CACNA2D1: variants seen among roughly 807,000 people sequenced by gnomAD.
CACNA2D1 encodes the protein calcium voltage-gated channel auxiliary subunit alpha2delta 1.
In CACNA2D1, 53 loss-of-function variants were observed where a neutral mutation model predicts 171.5. The observed-to-expected ratio is 0.31, with a 90% CI of 0.25 to 0.39. The LOEUF is 0.39. CACNA2D1 is among the 10% of genes least tolerant of loss of function. The pLI is 1.00. For missense variants in CACNA2D1, 903 were observed against 1,299.8 expected, an observed-to-expected ratio of 0.69 and a Z score of 4.69; for synonymous variants, 442 against 443.1, an observed-to-expected ratio of 1.00 and a Z score of 0.03.
chr7:82,305,680 C>A (rs1813635563), intron 3 of CACNA2D1, among the ~76,000 whole-genome samples: 1 of 152,176 alleles, frequency 6.6e-6, no homozygotes, highest in African/African-American at 2.4e-5. Context: ...CTTGAGTTTT[C>A]ATATTTTCTA....
chr7:82,317,618 CCTCCAA>C (rs1423232385), intron 3 of CACNA2D1, among the ~76,000 whole-genome samples: 1 of 152,034 alleles, frequency 6.6e-6, no homozygotes, highest in African/African-American at 2.4e-5. Context: ...GCTGATTTAG[CCTCCAA>C]CAGTGACAGG....
intron 3 of CACNA2D1, among the ~76,000 whole-genome samples, chr7:82,283,880 A>C (rs1810432890): frequency 6.6e-6 from 1 of 152,180 alleles, no homozygotes; most frequent in Admixed American, 6.5e-5. Flanking sequence ...AAAGAAAAAT[A>C]AAAAGATGCC....
Position 82,273,863 on chromosome 7 carries a change from A to C in CACNA2D1, c.294+61272T>G, listed in dbSNP as rs565647845. ...AAGCTTCTCGATGTTAATAATATTT[A>C]TACCTGGGTGTAGAATTAAGAATAT... On this transcript the variant is annotated intron_variant, in intron 3 of 38. Transcript: ENST00000356860. Among the ~76,000 whole-genome samples, 7 of 152,300 alleles carry C rather than the reference A, an allele frequency of 4.6e-5. No homozygotes were observed. In the East Asian group the frequency reaches 1.4e-3, roughly 29 times the overall value.
At chr7:82,295,505 C>T (rs766914989) in intron 3 of CACNA2D1, among the ~76,000 whole-genome samples, 1 of 151,542 alleles carries the variant, frequency 6.6e-6, no homozygotes, top group East Asian at 2.0e-4. Context: ...CACTATACCT[C>T]GCTAATTTCT....
chr7:82,060,607 C>A, intron 9 of CACNA2D1, 80 bp from the exon 10 acceptor site: 1 of 827,162 alleles, frequency 1.2e-6, no homozygotes, highest in Non-Finnish European at 2.1e-6. Context: ...ATAATGTATG[C>A]ACTGACCCTA....
intron 4 of CACNA2D1, among the ~76,000 whole-genome samples, chr7:82,155,620 A>AT (rs1473472523): frequency 1.3e-5 from 2 of 152,148 alleles, no homozygotes; most frequent in East Asian, 3.9e-4. Context: ...CCCAGGTGGT[A>AT]TTTTTTGCTA....
intron 3 of CACNA2D1, among the ~76,000 whole-genome samples, chr7:82,286,298 G>A (rs888652844): frequency 6.6e-6 from 1 of 151,892 alleles, no homozygotes; most frequent in Admixed American, 6.6e-5. Flanking sequence ...TGTCCCTGTT[G>A]GTGCTTGTCC....
chr7:82,008,401 CAAATATA>C (rs1027544732), intron 15 of CACNA2D1, among the ~76,000 whole-genome samples: 4 of 152,042 alleles, frequency 2.6e-5, no homozygotes, highest in African/African-American at 7.2e-5. Flanking sequence ...CTGCAAGCAT[CAAATATA>C]AAAGTCTAGT....
At chr7:82,136,911 T>C (rs1454659848) in intron 4 of CACNA2D1, among the ~76,000 whole-genome samples, 1 of 152,100 alleles carries the variant, frequency 6.6e-6, no homozygotes, top group Non-Finnish European at 1.5e-5. Context: ...TGAGACCCAT[T>C]TGTCAAGAAA....
chr7:82,147,708 A>T (rs1793306252), intron 4 of CACNA2D1, among the ~76,000 whole-genome samples: 1 of 152,154 alleles, frequency 6.6e-6, no homozygotes, highest in Non-Finnish European at 1.5e-5. Context: ...TCTCCAGATT[A>T]ATCATTATCA....
At chr7:82,023,454 AACTC>A (rs1179135850) in intron 12 of CACNA2D1, among the ~76,000 whole-genome samples, 1 of 151,834 alleles carries the variant, frequency 6.6e-6, no homozygotes, top group Admixed American at 6.6e-5. Context: ...CTCCAATTGT[AACTC>A]ATCAGGCCTA....
At chr7:82,372,119 TAGAAAA>T (rs1196125642) in intron 1 of CACNA2D1, among the ~76,000 whole-genome samples, 2 of 152,282 alleles carry the variant, frequency 1.3e-5, no homozygotes, top group Admixed American at 1.3e-4. Flanking sequence ...ATTCTGTTAT[TAGAAAA>T]AGAAAATGAA....
chr7:82,170,540 G>A lies in CACNA2D1; in HGVS notation c.354+10C>T, dbSNP rs1270996542. The A allele has an allele frequency of 6.2e-7, 1 of 1,604,574 alleles. No individual in the cohort carries two copies. The highest frequency in any genetic ancestry group is 1.1e-5 in the South Asian group (1 of 90,886). ...GCTATTTAAATCAAGTAGTTAAAAG[G>A]GGTTCTTACTGCAAAATCTTCTCTC... On this transcript the variant is annotated intron_variant, in intron 4 of 38. Transcript: ENST00000356860.
chr7:82,433,338 CT>C (rs1269923146), intron 1 of CACNA2D1, among the ~76,000 whole-genome samples: 1 of 152,140 alleles, frequency 6.6e-6, no homozygotes, highest in Non-Finnish European at 1.5e-5. Context: ...AAACTGGAGT[CT>C]TGTTACTACC....
At chr7:82,084,022 T>C (rs1226724809) in intron 7 of CACNA2D1, among the ~76,000 whole-genome samples, 1 of 152,152 alleles carries the variant, frequency 6.6e-6, no homozygotes, top group African/African-American at 2.4e-5. Context: ...AGAAAACGCA[T>C]TTTATGTTTT....
chr7:82,143,865 C>G (rs913335826), intron 4 of CACNA2D1, among the ~76,000 whole-genome samples: 6 of 152,118 alleles, frequency 3.9e-5, no homozygotes, highest in Non-Finnish European at 8.8e-5. Context: ...TCAGGAGTTT[C>G]TATGTTTTAA....
intron 10 of CACNA2D1, chr7:82,050,593 A>C: frequency 2.8e-6 from 2 of 702,784 alleles, no homozygotes; most frequent in Non-Finnish European, 5.2e-6. Context: ...CTGCATTGAA[A>C]ATCTCTTCGG....
At chr7:82,394,826 A>C (rs949193223) in intron 1 of CACNA2D1, among the ~76,000 whole-genome samples, 1 of 152,184 alleles carries the variant, frequency 6.6e-6, no homozygotes, top group Admixed American at 6.5e-5. Context: ...ATTAGTGAGA[A>C]TGTACATAAA....
At chr7:82,212,670 C>A (rs1366600175) in intron 3 of CACNA2D1, among the ~76,000 whole-genome samples, 3 of 152,146 alleles carry the variant, frequency 2.0e-5, no homozygotes, top group Admixed American at 6.5e-5. Flanking sequence ...TGGCTGAAGC[C>A]ATTTGCCCTT....
Sources: allele counts gnomAD v4.1 joint callset (sites outside exome capture counted in the v4.1 genomes callset), GRCh38; gene constraint gnomAD v4.1.1; transcripts MANE v1.5; gene names NCBI Gene and HGNC (gene_info 2026-07-23, HGNC 2026-07-21).